Variants in DYNC2H1 observed in about 807,000 individuals in gnomAD.
The protein encoded by DYNC2H1 is dynein cytoplasmic 2 heavy chain 1.
DYNC2H1 carries 410 observed loss-of-function variants against 570.0 expected under a neutral mutation model. That is an observed-to-expected ratio of 0.72 (90% CI 0.66 to 0.78). The LOEUF is 0.78. DYNC2H1 is among the 30% of genes least tolerant of loss of function. The pLI is 0.00. For synonymous variants in DYNC2H1, 1,688 were observed against 1,677.6 expected, an observed-to-expected ratio of 1.01 and a Z score of -0.15; for missense variants, 4,865 against 5,046.4, an observed-to-expected ratio of 0.96 and a Z score of 1.09.
At chr11:103,451,636 T>C (rs760275754) in intron 85 of DYNC2H1, among the ~76,000 whole-genome samples, 6 of 152,112 alleles carry the variant, frequency 3.9e-5, no homozygotes, top group Non-Finnish European at 5.9e-5. Context: ...CAGCCAAGGC[T>C]TGTATATTTT....
intron 70 of DYNC2H1, among the ~76,000 whole-genome samples, chr11:103,278,734 T>G (rs1866010881): frequency 1.3e-5 from 2 of 152,136 alleles, no homozygotes; most frequent in Non-Finnish European, 2.9e-5. Context: ...ACCCAGCTAA[T>G]TTTTGTATTT....
chr11:103,149,843 A>G (rs1860449791), intron 20 of DYNC2H1, among the ~76,000 whole-genome samples: 1 of 151,874 alleles, frequency 6.6e-6, no homozygotes, highest in African/African-American at 2.4e-5. Context: ...AGAAGTGAGG[A>G]TGAGTATGCT....
intron 82 of DYNC2H1, among the ~76,000 whole-genome samples, chr11:103,331,762 T>C (rs1399569781): frequency 6.6e-6 from 1 of 152,166 alleles, no homozygotes; most frequent in Non-Finnish European, 1.5e-5. Flanking sequence ...ACAATTTTTA[T>C]GTTAAAAGTT....
At chr11:103,347,782 G>C (rs1939819730) in intron 82 of DYNC2H1, among the ~76,000 whole-genome samples, 1 of 152,072 alleles carries the variant, frequency 6.6e-6, no homozygotes, top group African/African-American at 2.4e-5. Context: ...GTCTTGCGGG[G>C]GAGGCAGCAT....
chr11:103,215,989 A>G, intron 55 of DYNC2H1, 131 bp downstream of exon 55: 4 of 1,162,726 alleles, frequency 3.4e-6, no homozygotes, highest in Non-Finnish European at 4.7e-6. Context: ...TCAGACTGAT[A>G]TTATGTCCTT....
chr11:103,353,134 C>T (rs1219814630), intron 82 of DYNC2H1, among the ~76,000 whole-genome samples: 2 of 152,244 alleles, frequency 1.3e-5, no homozygotes, highest in East Asian at 3.9e-4. Context: ...ACAACACACA[C>T]AGGGCCTGTC....
intron 18 of DYNC2H1, among the ~76,000 whole-genome samples, chr11:103,144,154 G>A (rs953316072): frequency 3.9e-5 from 6 of 152,210 alleles, no homozygotes; most frequent in African/African-American, 1.4e-4. Context: ...AGTACACACA[G>A]GGGTTAAGTA....
At position 103,459,308 on chromosome 11, in the gene DYNC2H1, C is replaced by CAAA. The variant is rs33941099; in HGVS notation, c.12648+2975_12648+2977dup. Among the ~76,000 whole-genome samples, 199 of 52,434 alleles carry CAAA rather than the reference C, an allele frequency of 3.8e-3. 1 individual carries two copies. Among genetic ancestry groups the CAAA allele is most frequent in the Middle Eastern group, 0.016 (1 of 64 alleles). 34.4% of individuals were successfully genotyped at this position (52,434 alleles called of 152,430 possible). On this transcript the variant is annotated intron_variant, in intron 87 of 88. Transcript: ENST00000375735. Reference sequence around the variant, plus strand: ...TGGGCGACAGAGCGAGACTCCGTCTCAAAAAAAAAAAAAAAAAAAAAAAAA... The same window carrying CAAA: ...TGGGCGACAGAGCGAGACTCCGTCTCAAAAAAAAAAAAAAAAAAAAAAAAAAAA...
intron 85 of DYNC2H1, chr11:103,454,952 C>T: frequency 2.3e-6 from 1 of 427,736 alleles, no homozygotes; most frequent in Non-Finnish European, 4.1e-6. Context: ...TTATTTTGAG[C>T]AGATTTTTAC....
In DYNC2H1 at chr11:103,174,145, A is replaced by G; in HGVS notation, c.5649A>G (p.Leu1883=). 6.3e-7 allele frequency: 1 copy of G among 1,581,644 alleles called. No homozygotes were observed. Among genetic ancestry groups the G allele is most frequent in the Non-Finnish European group, 8.6e-7 (1 of 1,162,170 alleles). ...GAAGTGGAAATCTCCTTAGACAGCT[A>G]AACAAAAGTGGCACTACACAGAATG... ...LRGSGNLLRQ[L]NKSGTTQNAN... is the part of the protein sequence containing the mutation. Residue 1883 remains leucine, a synonymous_variant, in exon 36 of 89, where the codon CTA becomes CTG. Transcript: ENST00000375735.
intron 35 of DYNC2H1, 137 bp from the exon 36 acceptor site, chr11:103,173,918 C>T: frequency 1.6e-6 from 1 of 618,742 alleles, no homozygotes; most frequent in South Asian, 2.5e-5. Context: ...TGTGTGGTTG[C>T]TTCCCTTATA....
intron 83 of DYNC2H1, among the ~76,000 whole-genome samples, chr11:103,376,994 T>G (rs1424461893): frequency 3.9e-5 from 6 of 152,224 alleles, no homozygotes; most frequent in Admixed American, 3.9e-4. Context: ...AATCTGACTG[T>G]CTAGTGGGGA....
chr11:103,293,296 G>A (rs1345987190), intron 75 of DYNC2H1, among the ~76,000 whole-genome samples: 2 of 151,960 alleles, frequency 1.3e-5, no homozygotes, highest in South Asian at 2.1e-4. Context: ...CCAGACATAC[G>A]GAGCTTCTTT....
In DYNC2H1 at chr11:103,252,433, C is replaced by T. The variant is rs569864368; in HGVS notation, c.10043-852C>T. The stretch of plus-strand genomic sequence containing the variant: ...TTAATTTCTTTAGGAACCTTCCTAC[C>T]ATTTTTCATAATGGCTGCCCTGGTC... On this transcript the variant is annotated intron_variant, in intron 65 of 88. Transcript: ENST00000375735. This position sits in a 1 kb window ranked among gnomAD's most constrained non-coding sequence, Gnocchi z 4.6. 6.6e-6 allele frequency among the ~76,000 whole-genome samples: 1 copy of T among 152,228 alleles called. No homozygotes were observed. The highest frequency in any genetic ancestry group is 2.1e-4 in the South Asian group (1 of 4,824).
At chr11:103,375,345 C>T (rs1941349372) in intron 83 of DYNC2H1, among the ~76,000 whole-genome samples, 2 of 152,182 alleles carry the variant, frequency 1.3e-5, no homozygotes, top group Non-Finnish European at 1.5e-5. Flanking sequence ...AATATGGGGT[C>T]ATAGCCCCCA....
intron 78 of DYNC2H1, among the ~76,000 whole-genome samples, chr11:103,308,707 C>T (rs1010235330): frequency 2.6e-5 from 4 of 152,086 alleles, no homozygotes; most frequent in Admixed American, 6.6e-5. Flanking sequence ...GAGGTGATGT[C>T]TGTTTGTGGT....
chr11:103,307,755 G>A lies in DYNC2H1; in HGVS notation c.11417G>A (p.Arg3806His), dbSNP rs1867364468. The A allele has an allele frequency of 1.1e-5, 18 of 1,604,416 alleles. No homozygotes were observed. The highest frequency in any genetic ancestry group is 1.2e-5 in the Non-Finnish European group (14 of 1,174,878). Residue 3806 changes from arginine to histidine, a missense_variant, in exon 78 of 89, where the codon CGT becomes CAT. Physicochemically the swap from Arg to His is conservative, Grantham distance 29. This residue lies in a region of DYNC2H1 where 2,401 missense variants were observed against 2,454.6 expected (regional missense o/e 0.98). Coordinates refer to ENST00000375735, the MANE Select transcript of DYNC2H1 (RefSeq NM_001377.3). ...LNTLQPKDTFRLWLTAEVHPN... is the reference protein window; with the variant it reads ...LNTLQPKDTFHLWLTAEVHPN... ...ACTCTTCAACCTAAAGATACCTTTC[G>A]TCTTTGGCTCACTGCAGAAGTTCAT...
intron 84 of DYNC2H1, among the ~76,000 whole-genome samples, chr11:103,433,719 G>T (rs1354717080): frequency 6.6e-6 from 1 of 152,108 alleles, no homozygotes; most frequent in Non-Finnish European, 1.5e-5. Context: ...ACAGGATCAG[G>T]CTAAGGCTAA....
At chr11:103,171,139 A>G in intron 34 of DYNC2H1, 71 bp downstream of exon 34, 2 of 1,241,310 alleles carry the variant, frequency 1.6e-6, no homozygotes, top group Non-Finnish European at 2.1e-6. Flanking sequence ...TACTTAAGCA[A>G]TATTCTCTTT....
Sources: gnomAD v4.1 joint callset for allele counts (sites outside exome capture counted in the v4.1 genomes callset) on GRCh38, gnomAD v4.1.1 for gene constraint, gnomAD v4.1.1 regional missense constraint, Gnocchi (gnomAD v3.1) non-coding constraint, MANE v1.5 for transcripts, NCBI Gene and HGNC (gene_info 2026-07-23, HGNC 2026-07-21) for gene names.